UROC1: variants seen among roughly 807,000 people sequenced by gnomAD.
The protein encoded by UROC1 is urocanate hydratase 1.
A neutral mutation model predicts 89.5 loss-of-function variants in UROC1; 79 were observed. That is an observed-to-expected ratio of 0.88 (90% CI 0.74 to 1.06). The LOEUF is 1.06. UROC1 is among the 50% of genes least tolerant of loss of function. The pLI is 0.00. For missense variants in UROC1, 885 were observed against 907.8 expected (o/e 0.97, Z 0.32); for synonymous variants, 361 against 354.8 (o/e 1.02, Z -0.20).
chr3:126,495,866 G>A (rs566327739), intron 15 of UROC1, among the ~76,000 whole-genome samples, 172 bp downstream of exon 15: 1 of 152,178 alleles, frequency 6.6e-6, no homozygotes, highest in Non-Finnish European at 1.5e-5. Flanking sequence ...TCCCAGTGTG[G>A]CCACCATGGG....
chr3:126,498,086 G>A lies in UROC1; in HGVS notation c.1403C>T (p.Ala468Val), dbSNP rs778885525. The A allele has an allele frequency of 1.2e-6, 2 of 1,614,010 alleles. No homozygotes were observed. Among genetic ancestry groups the A allele is most frequent in the Non-Finnish European group, 1.7e-6 (2 of 1,180,026 alleles). ...AATGGCTTCCTCCAGCACAGATGTG[G>A]CCAGTTCGTCTGTGACCGCCAGGTC... Reference protein sequence around the residue: ...PQDLAVTDELATSVLEEAIAD... With the variant: ...PQDLAVTDELVTSVLEEAIAD... Residue 468 changes from alanine (A) to valine (V), a missense_variant, in exon 14 of 20, where the codon GCC becomes GTC. By Grantham distance (64) the Ala-to-Val change is moderately conservative. Transcript: ENST00000290868.
intron 6 of UROC1, among the ~76,000 whole-genome samples, chr3:126,507,426 T>G (rs2107547869): frequency 1.3e-5 from 2 of 151,828 alleles, no homozygotes; most frequent in Middle Eastern, 6.9e-3. Flanking sequence ...AAAGTGAGTA[T>G]GGTAAGTAGC....
At chr3:126,510,043 C>T (rs1237953637) in intron 2 of UROC1, among the ~76,000 whole-genome samples, 3 of 152,206 alleles carry the variant, frequency 2.0e-5, no homozygotes, top group South Asian at 2.1e-4. Context: ...GTGCCAGGCC[C>T]GGAGGTACTG....
intron 17 of UROC1, 75 bp from the exon 18 acceptor site, chr3:126,488,354 C>T: frequency 6.4e-7 from 1 of 1,562,530 alleles, no homozygotes; most frequent in Non-Finnish European, 8.8e-7. Flanking sequence ...GCCAGCCTCG[C>T]TGGCTAAGCC....
intron 14 of UROC1, among the ~76,000 whole-genome samples, chr3:126,497,647 G>A (rs1408864559): frequency 1.3e-5 from 2 of 152,230 alleles, no homozygotes; most frequent in African/African-American, 4.8e-5. Context: ...ACTGTGGTGT[G>A]CTGCGGGCTG....
chr3:126,506,070 C>T (rs1331219808), intron 6 of UROC1, 59 bp from the exon 7 acceptor site: 3 of 1,597,548 alleles, frequency 1.9e-6, no homozygotes, highest in Non-Finnish European at 2.6e-6. Context: ...CCAGGTCCTC[C>T]CAGCCACTCC....
chr3:126,510,603 A>C, intron 2 of UROC1, 61 bp downstream of exon 2: 1 of 1,603,458 alleles, frequency 6.2e-7, no homozygotes, highest in Non-Finnish European at 8.5e-7. Flanking sequence ...CCCCCAGCAC[A>C]GTCCCTTGCG....
At position 126,509,670 on chromosome 3, in the gene UROC1, G is replaced by A. The variant is rs781043275; in HGVS notation, c.266C>T (p.Pro89Leu). 12 of 1,551,766 alleles carry A rather than the reference G, an allele frequency of 7.7e-6. No homozygotes were observed. The highest frequency in any genetic ancestry group is 2.0e-5 in the Admixed American group (1 of 51,040). Residue 89 changes from proline to leucine, a missense_variant, in exon 3 of 20, where the codon CCG becomes CTG. Physicochemically the swap from Pro to Leu is moderately conservative, Grantham distance 98. Coordinates refer to ENST00000290868, the MANE Select transcript of UROC1 (RefSeq NM_144639.3). ...CGTCTGGCAGGGGTACTGCTCAATCGGGTAGGCCCTGCAAGGGAAAGCCCA... is the reference window on the plus strand; with the variant it reads ...CGTCTGGCAGGGGTACTGCTCAATCAGGTAGGCCCTGCAAGGGAAAGCCCA... ...FCPDIEMRAYPIEQYPCQTKV... is the reference protein window; with the variant it reads ...FCPDIEMRAYLIEQYPCQTKV...
intron 12 of UROC1, among the ~76,000 whole-genome samples, chr3:126,499,711 C>A (rs1370891696): frequency 2.6e-5 from 4 of 152,252 alleles, no homozygotes; most frequent in African/African-American, 9.6e-5. Flanking sequence ...CCTTTTGAAC[C>A]TCATACCCCA....
At position 126,488,423 on chromosome 3, in the gene UROC1, C is replaced by A. The variant is rs1007661215; in HGVS notation, c.1709-144G>T. The A allele has an allele frequency of 7.2e-6, 6 of 832,858 alleles. No homozygotes were observed. The African/African-American group carries it at 1.0e-4, about 14-fold the overall frequency. The allele number at this position is 832,858 out of a possible 1,614,324, so 51.6% of individuals were successfully genotyped here. A position where few individuals can be genotyped will look rare whatever the true frequency, so the allele number is the denominator to read the frequency against. Reference sequence around the variant, plus strand: ...TAGGCCCTAGGGACAGGGCCTCTCACAGCAGCAGTCGTGTGTGCTGGCAGA... The same window carrying A: ...TAGGCCCTAGGGACAGGGCCTCTCAAAGCAGCAGTCGTGTGTGCTGGCAGA... On this transcript the variant is annotated intron_variant, in intron 17 of 19. Transcript: ENST00000290868.
At position 126,498,116 on chromosome 3, in the gene UROC1, G is replaced by T; in HGVS notation, c.1373C>A (p.Pro458His). 1 of 1,614,186 alleles carries T rather than the reference G, an allele frequency of 6.2e-7. No individual in the cohort carries two copies. Among genetic ancestry groups the T allele is most frequent in the Non-Finnish European group, 8.5e-7 (1 of 1,180,022 alleles). Residue 458 changes from proline to histidine, a missense_variant, in exon 14 of 20, where the codon CCC becomes CAC. Pro to His is a moderately conservative substitution (Grantham distance 77, BLOSUM62 -2). Coordinates refer to ENST00000290868, the MANE Select transcript of UROC1 (RefSeq NM_144639.3). ...TTCGTCTGTGACCGCCAGGTCCTGG[G>T]GGTCCCCCGATGTGCACACCCAGCG... Reference protein sequence around the residue: ...PFRWVCTSGDPQDLAVTDELA... With the variant: ...PFRWVCTSGDHQDLAVTDELA...
At chr3:126,490,888 T>C (rs1017447242) in intron 16 of UROC1, among the ~76,000 whole-genome samples, 11 of 152,184 alleles carry the variant, frequency 7.2e-5, no homozygotes, top group South Asian at 2.1e-4. Context: ...CCCAGCTGTT[T>C]CAGCTAAGAA....
At chr3:126,489,505 C>A in intron 16 of UROC1, 130 bp from the exon 17 acceptor site, 1 of 739,490 alleles carries the variant, frequency 1.4e-6, no homozygotes, top group Non-Finnish European at 2.4e-6. Flanking sequence ...ACCCTCTTCA[C>A]AACTATTTCT....
At position 126,501,670 on chromosome 3, in the gene UROC1, C is replaced by T. The variant is rs186670330; in HGVS notation, c.903-390G>A. 329 of 1,179,636 alleles carry T rather than the reference C, an allele frequency of 2.8e-4. 1 individual carries two copies. Among genetic ancestry groups the T allele is most frequent in the Admixed American group, 4.5e-4 (17 of 38,182 alleles). The allele number at this position is 1,179,636 out of a possible 1,614,324, so 73.1% of individuals were successfully genotyped here. On this transcript the variant is annotated intron_variant, in intron 9 of 19. Coordinates refer to ENST00000290868, the MANE Select transcript of UROC1 (RefSeq NM_144639.3). The stretch of plus-strand genomic sequence containing the variant: ...CCCAAAATTATTCGGAAAAATAGGA[C>T]AGGAAAAATCAAAGCATATTTTGGG...
chr3:126,491,451 G>T (rs879873411), intron 16 of UROC1, among the ~76,000 whole-genome samples: 2 of 152,230 alleles, frequency 1.3e-5, no homozygotes, highest in African/African-American at 4.8e-5. Flanking sequence ...AGCCCGGGGC[G>T]AGTGCGCCTG....
At chr3:126,485,211 C>A (rs952000041) in intron 18 of UROC1, among the ~76,000 whole-genome samples, 3 of 152,218 alleles carry the variant, frequency 2.0e-5, no homozygotes, top group African/African-American at 7.2e-5. Context: ...GAAGGCCTTG[C>A]ACATGTTAAC....
At chr3:126,497,902 G>T in intron 14 of UROC1, 149 bp downstream of exon 14, 1 of 1,377,930 alleles carries the variant, frequency 7.3e-7, no homozygotes, top group Non-Finnish European at 1.0e-6. Context: ...TGTGTTGCCA[G>T]CTGAGCACCC....
rs142914763 is a variant in UROC1, at chr3:126,500,848, G to A, written c.992C>T (p.Thr331Met). The change falls in exon 11 of 20, where the codon ACG (threonine) becomes ATG (methionine). Residue 331 changes from threonine to methionine, a missense_variant. Physicochemically the swap from Thr to Met is moderately conservative, Grantham distance 81. Transcript: ENST00000290868. ...LWERLVHELD[T>M]TGECLVDLGS... ...CAGGTCCACCAAGCACTCCCCCGTC[G>A]TGTCCAATTCGTGGACCAGGCGCTC... 551 of 1,613,880 alleles carry A rather than the reference G, an allele frequency of 3.4e-4. 4 individuals are homozygous for A. The highest frequency in any genetic ancestry group is 1.8e-3 in the South Asian group (161 of 91,084).
At chr3:126,497,527 G>T (rs1935806234) in intron 14 of UROC1, among the ~76,000 whole-genome samples, 1 of 152,232 alleles carries the variant, frequency 6.6e-6, no homozygotes, top group Non-Finnish European at 1.5e-5. Flanking sequence ...TGGAAGGCTG[G>T]CGGGAGCATG....
Sources: gnomAD v4.1 joint callset for allele counts (sites outside exome capture counted in the v4.1 genomes callset) on GRCh38, gnomAD v4.1.1 for gene constraint, MANE v1.5 for transcripts, NCBI Gene and HGNC (gene_info 2026-07-23, HGNC 2026-07-21) for gene names.